The following DNHD1 variants were observed in gnomAD, a reference collection of about 807,000 sequenced individuals.
DNHD1 encodes the protein dynein heavy chain domain 1.
DNHD1 carries 383 observed loss-of-function variants against 458.1 expected under a neutral mutation model. The ratio of observed to expected loss-of-function variants is 0.84; its 90% CI spans 0.77 to 0.91. The LOEUF (loss-of-function observed/expected upper bound fraction) is 0.91. Ranked by LOEUF, DNHD1 falls within the 40% of genes least tolerant of loss-of-function variation. The probability of loss-of-function intolerance (pLI) is 0.00; values close to 1 mark genes in which losing one functional copy is unlikely to be tolerated. For missense variants in DNHD1, 5,336 were observed against 5,866.1 expected, an observed-to-expected ratio of 0.91 and a Z score of 2.95; for synonymous variants, 2,203 against 2,376.9, an observed-to-expected ratio of 0.93 and a Z score of 2.13.
chr11:6,539,135 C>T (rs751598095), intron 16 of DNHD1, 84 bp from the exon 17 acceptor site: 19 of 957,566 alleles, frequency 2.0e-5, no homozygotes, highest in Non-Finnish European at 3.1e-5. Flanking sequence ...CTGGGCTGGG[C>T]TGGGCTGGGC....
chr11:6,568,729 G>C lies in DNHD1; in HGVS notation c.12726G>C (p.Leu4242Phe), dbSNP rs1276956696. Residue 4242 changes from leucine to phenylalanine, a missense_variant, in exon 39 of 43, where the codon TTG becomes TTC. Around this residue, in one of 4 missense-constraint regions of DNHD1, gnomAD observed 695 missense variants for 804.2 expected, o/e 0.86. Coordinates refer to ENST00000254579, the MANE Select transcript of DNHD1 (RefSeq NM_144666.3). ...AGTCCCTGGAGCTGGGCCATGTTTTGATTGACAGTGTGGAGCTAGCCCAGC... is the reference window on the plus strand; with the variant it reads ...AGTCCCTGGAGCTGGGCCATGTTTTCATTGACAGTGTGGAGCTAGCCCAGC... Reference protein sequence around the residue: ...WNQSLELGHVLIDSVELAQQV... With the variant: ...WNQSLELGHVFIDSVELAQQV... 1 of 1,613,798 alleles carries C rather than the reference G, an allele frequency of 6.2e-7. No homozygotes were observed. The highest frequency in any genetic ancestry group is 2.2e-5 in the East Asian group (1 of 44,866).
rs751640821 is a variant in DNHD1 at position 6,546,418 on chromosome 11, T to C, written c.5479T>C (p.Leu1827=). The change falls in exon 21 of 43, where the codon TTG becomes CTG. Residue 1827 remains leucine, a synonymous_variant. Coordinates refer to ENST00000254579, the MANE Select transcript of DNHD1 (RefSeq NM_144666.3). Reference sequence around the variant, plus strand: ...GCACCTGCTGCTGCGGCCTGTGGCATTGGCATTGCCTGATCTGCGGCAAGT... The same window carrying C: ...GCACCTGCTGCTGCGGCCTGTGGCACTGGCATTGCCTGATCTGCGGCAAGT... ...NLHLLLRPVA[L]ALPDLRQVAE... is the part of the protein sequence containing the mutation. The C allele has an allele frequency of 1.2e-5, 18 of 1,551,804 alleles. No individual in the cohort carries two copies. Among genetic ancestry groups the C allele is most frequent in the Admixed American group, 3.9e-5 (2 of 50,988 alleles).
rs776517674 is a variant in DNHD1 at position 6,568,834 on chromosome 11, T to C, written c.12831T>C (p.Tyr4277=). 3 of 1,612,614 alleles carry C rather than the reference T, an allele frequency of 1.9e-6. No individual in the cohort carries two copies. Among genetic ancestry groups the C allele is most frequent in the Non-Finnish European group, 2.5e-6 (3 of 1,179,388 alleles). The change falls in exon 39 of 43, where the codon TAT becomes TAC. Residue 4277 remains tyrosine, a synonymous_variant. Transcript: ENST00000254579. ...GCCTCCTGCTACACCGGCAGCTCTA[T>C]GGAACAAGGCTGCAGGCACACAGGG... ...LHGLLLHRQL[Y]GTRLQAHRGR...
In DNHD1 at chr11:6,568,773, C is replaced by T. The variant is rs138517528; in HGVS notation, c.12770C>T (p.Pro4257Leu). ...ELAQQVLYMQ[P>L]PTQALPLLLL... ...GCCCAGCAAGTACTCTACATGCAACCCCCCACCCAGGCACTACCTCTGCTC... is the reference window on the plus strand; with the variant it reads ...GCCCAGCAAGTACTCTACATGCAACTCCCCACCCAGGCACTACCTCTGCTC... Residue 4257 changes from proline (P) to leucine (L), a missense_variant, in exon 39 of 43, where the codon CCC (proline) becomes CTC (leucine). Physicochemically the swap from Pro to Leu is moderately conservative, Grantham distance 98. Transcript: ENST00000254579. 6.2e-7 allele frequency: 1 copy of T among 1,613,534 alleles called. No homozygotes were observed. The highest frequency in any genetic ancestry group is 1.7e-5 in the Admixed American group (1 of 59,984).
chr11:6,558,608 C>A lies in DNHD1; in HGVS notation c.9126C>A (p.Asp3042Glu). 1 of 1,551,744 alleles carries A rather than the reference C, an allele frequency of 6.4e-7. No individual in the cohort carries two copies. Among genetic ancestry groups the A allele is most frequent in the Non-Finnish European group, 8.7e-7 (1 of 1,147,002 alleles). Reference protein sequence around the residue: ...RLLQLATASIDRYEPWDQAAL... With the variant: ...RLLQLATASIERYEPWDQAAL... Reference sequence around the variant, plus strand: ...TTCAACTGGCCACTGCCAGCATTGACCGCTATGAACCCTGGGACCAAGCTG... The same window carrying A: ...TTCAACTGGCCACTGCCAGCATTGAACGCTATGAACCCTGGGACCAAGCTG... The change falls in exon 26 of 43, where the codon GAC becomes GAA. Residue 3042 changes from aspartate to glutamate, a missense_variant. Asp to Glu is a conservative substitution (Grantham distance 45, BLOSUM62 2). Coordinates refer to ENST00000254579, the MANE Select transcript of DNHD1 (RefSeq NM_144666.3).
intron 17 of DNHD1, among the ~76,000 whole-genome samples, 184 bp downstream of exon 17, chr11:6,539,497 C>G (rs1037819374): frequency 2.6e-5 from 4 of 152,182 alleles, no homozygotes; most frequent in African/African-American, 9.7e-5. Context: ...TTCCAGACTC[C>G]CAGTGACTGA....
chr11:6,511,417 C>G lies in DNHD1; in HGVS notation c.1380C>G (p.Ser460=), dbSNP rs1272973050. 3 of 1,614,054 alleles carry G rather than the reference C, an allele frequency of 1.9e-6. No individual in the cohort carries two copies. The highest frequency in any genetic ancestry group is 2.5e-6 in the Non-Finnish European group (3 of 1,180,006). ...ATCGTTGCCTAAACCTCTGCACATC[C>G]ATTCTTCGACTGGTAAGAGGCTCTT... ...LLHRCLNLCT[S]ILRLVHEDTY... Residue 460 remains serine (S), a synonymous_variant, in exon 7 of 43, where the codon TCC becomes TCG. Coordinates refer to ENST00000254579, the MANE Select transcript of DNHD1 (RefSeq NM_144666.3).
At chr11:6,558,767 C>G in intron 26 of DNHD1, 74 bp downstream of exon 26, 2 of 1,508,464 alleles carry the variant, frequency 1.3e-6, no homozygotes, top group South Asian at 2.4e-5. Flanking sequence ...AGGTCAGTCT[C>G]TCTCTCTCCC....
Position 6,505,304 on chromosome 11 carries a change from T to G in DNHD1, c.920+2378T>G. Among the ~76,000 whole-genome samples the G allele has an allele frequency of 6.6e-6, 1 of 152,120 alleles. No individual in the cohort carries two copies. The highest frequency in any genetic ancestry group is 1.5e-5 in the Non-Finnish European group (1 of 68,006). On this transcript the variant is annotated intron_variant, in intron 4 of 42. Coordinates refer to ENST00000254579, the MANE Select transcript of DNHD1 (RefSeq NM_144666.3). The surrounding 1 kb of genome is among the most constrained non-coding windows in gnomAD (Gnocchi z 4.4). ...CTCTGTTGCCTAGGCTGGAGTGCCATGGCGATCTTGGCTCACTTTAATCTC... is the reference window on the plus strand; with the variant it reads ...CTCTGTTGCCTAGGCTGGAGTGCCAGGGCGATCTTGGCTCACTTTAATCTC...
rs564703505 is a variant in DNHD1 at position 6,568,934 on chromosome 11, G to A, written c.12863+68G>A. 3.7e-4 allele frequency: 554 copies of A among 1,479,504 alleles called. 2 individuals are homozygous for A. Among genetic ancestry groups the A allele is most frequent in the African/African-American group, 3.1e-3 (221 of 71,360 alleles). The allele number at this position is 1,479,504 out of a possible 1,614,324, so 91.6% of individuals were successfully genotyped here. On this transcript the variant is annotated intron_variant, in intron 39 of 42. Transcript: ENST00000254579. The stretch of plus-strand genomic sequence containing the variant: ...AAACATTGAGTATCTTCCATATGCT[G>A]GGATGAGTAAAACTAATTCATCTTT...
chr11:6,558,980 C>G lies in DNHD1; in HGVS notation c.9290C>G (p.Thr3097Ser). ...KAMALIHLSA[T>S]HYHEHLCPAL... The stretch of plus-strand genomic sequence containing the variant: ...ATGGCTCTTATCCACCTTTCGGCCA[C>G]CCACTACCATGAGCACCTGTGCCCT... Residue 3097 changes from threonine to serine, a missense_variant, in exon 27 of 43, where the codon ACC becomes AGC. Coordinates refer to ENST00000254579, the MANE Select transcript of DNHD1 (RefSeq NM_144666.3). 1 of 1,551,688 alleles carries G rather than the reference C, an allele frequency of 6.4e-7. No individual in the cohort carries two copies. Among genetic ancestry groups the G allele is most frequent in the Non-Finnish European group, 8.7e-7 (1 of 1,146,990 alleles).
Position 6,498,961 on chromosome 11 carries a change from G to T in DNHD1, c.746G>T (p.Arg249Met). The change falls in exon 3 of 43, where the codon AGG becomes ATG. Residue 249 changes from arginine to methionine, a missense_variant and splice_region_variant. Arg to Met is a moderately conservative substitution (Grantham distance 91). This residue lies in a region of DNHD1 where 3,932 missense variants were observed against 4,365.6 expected (regional missense o/e 0.90). Coordinates refer to ENST00000254579, the MANE Select transcript of DNHD1 (RefSeq NM_144666.3). ...GAGCCTGTTGGAAGAAAAGAGACCAGGTAAGTGAGGGACTCAGTCTAGGGC... is the reference window on the plus strand; with the variant it reads ...GAGCCTGTTGGAAGAAAAGAGACCATGTAAGTGAGGGACTCAGTCTAGGGC... ...EVEPVGRKET[R>M]SQLDYEVPRE... is the part of the protein sequence containing the mutation. The T allele has an allele frequency of 6.3e-7, 1 of 1,594,168 alleles. No homozygotes were observed.
At chr11:6,532,994 G>A (rs1444601288) in intron 12 of DNHD1, 33 bp from the exon 13 acceptor site, 1 of 1,544,836 alleles carries the variant, frequency 6.5e-7, no homozygotes, top group East Asian at 2.4e-5. Context: ...TCTTTTTTAT[G>A]CGTCCCCTCA....
chr11:6,548,824 G>A lies in DNHD1; in HGVS notation c.7278G>A (p.Leu2426=). 1 of 1,551,678 alleles carries A rather than the reference G, an allele frequency of 6.4e-7. No individual in the cohort carries two copies. Among genetic ancestry groups the A allele is most frequent in the East Asian group, 2.4e-5 (1 of 40,922 alleles). Residue 2426 remains leucine (L), a synonymous_variant, in exon 24 of 43, where the codon CTG becomes CTA. Transcript: ENST00000254579. The surrounding 1 kb of genome is among the most constrained non-coding windows in gnomAD (Gnocchi z 4.4). The part of the protein sequence containing the change: ...AFSSSHLRLL[L]SRGIQGQTQA... ...GTTCCTCCCACCTCCGTCTCCTGCT[G>A]AGCAGAGGAATCCAGGGCCAAACAC...
At position 6,556,877 on chromosome 11, in the gene DNHD1, G is replaced by A; in HGVS notation, c.7582G>A (p.Glu2528Lys). ...TCGACTCTTCACAGTCCTGGCCCTG[G>A]AAAGCATGACCCAGGCCACCCTGCT... The part of the protein sequence containing the change: ...LFRLFTVLAL[E>K]SMTQATLLER... The change falls in exon 25 of 43, where the codon GAA (glutamate) becomes AAA (lysine). Residue 2528 changes from glutamate to lysine, a missense_variant. This residue lies in a region of DNHD1 where 3,932 missense variants were observed against 4,365.6 expected (regional missense o/e 0.90). Coordinates refer to ENST00000254579, the MANE Select transcript of DNHD1 (RefSeq NM_144666.3). 6.4e-7 allele frequency: 1 copy of A among 1,551,666 alleles called. No individual in the cohort carries two copies. Among genetic ancestry groups the A allele is most frequent in the Non-Finnish European group, 8.7e-7 (1 of 1,147,000 alleles).
At position 6,570,603 on chromosome 11, in the gene DNHD1, A is replaced by G; in HGVS notation, c.13106-15A>G. ...GAGTCCATCTTGTCCCTCACCCCTC[A>G]CCTCTATCCCCAAGAGCTAAGGGAG... On this transcript the variant is annotated splice_polypyrimidine_tract_variant and intron_variant, in intron 41 of 42. Transcript: ENST00000254579. 6.3e-7 allele frequency: 1 copy of G among 1,583,616 alleles called. No homozygotes were observed. Among genetic ancestry groups the G allele is most frequent in the Non-Finnish European group, 8.6e-7 (1 of 1,163,630 alleles).
Position 6,558,635 on chromosome 11 carries a change from C to G in DNHD1, c.9153C>G (p.Ala3051=). 2.6e-6 allele frequency: 4 copies of G among 1,551,654 alleles called. No individual in the cohort carries two copies. Among genetic ancestry groups the G allele is most frequent in the Non-Finnish European group, 2.6e-6 (3 of 1,147,008 alleles). Residue 3051 remains alanine, a synonymous_variant, in exon 26 of 43, where the codon GCC becomes GCG. Coordinates refer to ENST00000254579, the MANE Select transcript of DNHD1 (RefSeq NM_144666.3). ...GCTATGAACCCTGGGACCAAGCTGC[C>G]CTGGCCAAGGTGGCCCAGCATCACC... ...IDRYEPWDQA[A]LAKVAQHHLE...
chr11:6,563,809 A>G lies in DNHD1; in HGVS notation c.9969A>G (p.Ala3323=), dbSNP rs1267927303. The change falls in exon 31 of 43, where the codon GCA becomes GCG. Residue 3323 remains alanine, a synonymous_variant. Transcript: ENST00000254579. ...DAALRAVSRP[A]ASLAAWLWAV... is the part of the protein sequence containing the mutation. ...CCCTGCGGGCAGTGAGCCGACCTGC[A>G]GCCAGCCTGGCAGCCTGGCTCTGGG... The G allele has an allele frequency of 3.9e-6, 6 of 1,551,596 alleles. No individual in the cohort carries two copies. Among genetic ancestry groups the G allele is most frequent in the Middle Eastern group, 1.7e-4 (1 of 6,014 alleles).
intron 18 of DNHD1, among the ~76,000 whole-genome samples, chr11:6,542,751 A>G (rs1853123761): frequency 6.6e-6 from 1 of 152,238 alleles, no homozygotes; most frequent in Admixed American, 6.5e-5. Flanking sequence ...ACACCTACAA[A>G]TTATTAATCT....
Sources: allele counts gnomAD v4.1 joint callset (sites outside exome capture counted in the v4.1 genomes callset), GRCh38; gene constraint gnomAD v4.1.1; regional missense constraint gnomAD v4.1.1; non-coding constraint Gnocchi (gnomAD v3.1); transcripts MANE v1.5; gene names NCBI Gene and HGNC (gene_info 2026-07-23, HGNC 2026-07-21).